AQP9: variants seen among roughly 807,000 people sequenced by gnomAD.
AQP9 encodes aquaporin-9.
AQP9 carries 19 observed loss-of-function variants against 23.8 expected under a neutral mutation model. The observed-to-expected ratio is 0.80, with a 90% CI of 0.56 to 1.17. AQP9 has a LOEUF of 1.17. Ranked by LOEUF, AQP9 falls within the 50% of genes most tolerant of loss-of-function variation. The pLI, the probability that AQP9 is intolerant of heterozygous loss-of-function variation, is 0.00. For synonymous variants in AQP9, 153 were observed against 131.5 expected (o/e 1.16, Z -1.12); for missense variants, 413 against 362.0 (o/e 1.14, Z -1.14).
chr15:58,139,997 G>A (rs1280448498), intron 1 of AQP9, among the ~76,000 whole-genome samples: 3 of 152,168 alleles, frequency 2.0e-5, no homozygotes, highest in Middle Eastern at 3.4e-3. Context: ...TATGATTCCC[G>A]GTCACTGCTT....
chr15:58,168,004 T>TG (rs1484501304), intron 2 of AQP9, among the ~76,000 whole-genome samples: 1 of 149,776 alleles, frequency 6.7e-6, no homozygotes, highest in Non-Finnish European at 1.5e-5. Context: ...GGATTACAAG[T>TG]GTAAGCCACC....
At chr15:58,153,584 C>A (rs774951148) in intron 1 of AQP9, 2 of 152,092 alleles carry the variant, frequency 1.3e-5, no homozygotes, top group Non-Finnish European at 2.9e-5. Flanking sequence ...TATATCTGCA[C>A]CCATGCCTTT....
chr15:58,169,160 A>G (rs1898569645), intron 2 of AQP9, among the ~76,000 whole-genome samples: 1 of 152,206 alleles, frequency 6.6e-6, no homozygotes, highest in African/African-American at 2.4e-5. Flanking sequence ...GAATCCCTAT[A>G]GTTACAAGAG....
intron 2 of AQP9, among the ~76,000 whole-genome samples, chr15:58,168,493 C>A (rs997474087): frequency 6.6e-6 from 1 of 152,144 alleles, no homozygotes. Flanking sequence ...CTTGGGAGCT[C>A]CTTGGGCTGT....
At chr15:58,171,156 C>G (rs145367141) in intron 2 of AQP9, among the ~76,000 whole-genome samples, 10 of 151,594 alleles carry the variant, frequency 6.6e-5, no homozygotes, top group African/African-American at 2.4e-4. Flanking sequence ...GGCACCATCT[C>G]GGCTCACTGC....
Position 58,184,029 on chromosome 15 carries a change from T to A in AQP9, c.782T>A (p.Ile261Asn). 6.2e-7 allele frequency: 1 copy of A among 1,614,160 alleles called. No homozygotes were observed. The highest frequency in any genetic ancestry group is 8.5e-7 in the Non-Finnish European group (1 of 1,180,006). The stretch of plus-strand genomic sequence containing the variant: ...GTTGGTGCTGTCATTGGAGGCCTCA[T>A]CTATGTTCTTGTCATTGAAATCCAC... The part of the protein sequence containing the change: ...PLVGAVIGGL[I>N]YVLVIEIHHP... Residue 261 changes from isoleucine to asparagine, a missense_variant, in exon 6 of 6, where the codon ATC (isoleucine) becomes AAC (asparagine). Coordinates refer to ENST00000219919, the MANE Select transcript of AQP9 (RefSeq NM_020980.5).
intron 1 of AQP9, among the ~76,000 whole-genome samples, chr15:58,148,988 G>A (rs932519697): frequency 6.6e-6 from 1 of 152,176 alleles, no homozygotes; most frequent in Admixed American, 6.5e-5. Flanking sequence ...CTGTCAGGCT[G>A]CATGCCACCA....
At chr15:58,156,217 C>G (rs1478301513) in intron 1 of AQP9, among the ~76,000 whole-genome samples, 2 of 152,192 alleles carry the variant, frequency 1.3e-5, no homozygotes, top group Non-Finnish European at 2.9e-5. Flanking sequence ...TTTTTCAGCA[C>G]ACACTTTAAC....
intron 1 of AQP9, among the ~76,000 whole-genome samples, chr15:58,138,984 G>T (rs554641914): frequency 6.6e-6 from 1 of 152,170 alleles, no homozygotes; most frequent in Non-Finnish European, 1.5e-5. Flanking sequence ...AAAGTCAGTC[G>T]TTAGTGTTTT....
chr15:58,166,194 T>C (rs1398999619), intron 1 of AQP9, among the ~76,000 whole-genome samples: 1 of 152,098 alleles, frequency 6.6e-6, no homozygotes, highest in East Asian at 1.9e-4. Context: ...AGTGAGCCAG[T>C]TGGGAAGGCA....
chr15:58,179,201 G>T lies in AQP9; in HGVS notation c.569G>T (p.Gly190Val), dbSNP rs750880003. The T allele has an allele frequency of 6.2e-7, 1 of 1,614,038 alleles. No individual in the cohort carries two copies. The highest frequency in any genetic ancestry group is 8.5e-7 in the Non-Finnish European group (1 of 1,179,940). The change falls in exon 5 of 6, where the codon GGC becomes GTC. Residue 190 changes from glycine to valine, a missense_variant. Coordinates refer to ENST00000219919, the MANE Select transcript of AQP9 (RefSeq NM_020980.5). ...TCCAGAAACTTGGGAGCCCCCAGAG[G>T]CCTAGAGCCCATTGCCATCGGCCTC... ...FDSRNLGAPR[G>V]LEPIAIGLLI...
chr15:58,167,202 G>C (rs1170786276), intron 2 of AQP9, among the ~76,000 whole-genome samples: 1 of 152,228 alleles, frequency 6.6e-6, no homozygotes, highest in Non-Finnish European at 1.5e-5. Context: ...AACAGGAAGA[G>C]TCTGGGTCTC....
In AQP9 at chr15:58,140,049, T is replaced by C. The variant is rs563356175; in HGVS notation, c.111+1373T>C. Among the ~76,000 whole-genome samples the C allele has an allele frequency of 2.6e-5, 4 of 152,338 alleles. No homozygotes were observed. In the South Asian group the frequency reaches 8.3e-4, roughly 32 times the overall value. The stretch of plus-strand genomic sequence containing the variant: ...TAGTGAGACTGAGACCCCTCTGTCA[T>C]GTTACTTGACAATCTGGCCCCAAAG... On this transcript the variant is annotated intron_variant, in intron 1 of 5. Coordinates refer to ENST00000219919, the MANE Select transcript of AQP9 (RefSeq NM_020980.5).
At chr15:58,146,810 C>T (rs1450852210) in intron 1 of AQP9, 1 of 152,184 alleles carries the variant, frequency 6.6e-6, no homozygotes, top group Non-Finnish European at 1.5e-5. Flanking sequence ...AAAAGAGAAG[C>T]CTGGGGGATG....
At chr15:58,161,370 C>T (rs1898379892) in intron 1 of AQP9, among the ~76,000 whole-genome samples, 1 of 152,106 alleles carries the variant, frequency 6.6e-6, no homozygotes. Flanking sequence ...TCTTTTCCTT[C>T]TTCCATGTAT....
rs774154190 is a variant in AQP9 at position 58,179,226 on chromosome 15, C to T, written c.594C>T (p.Leu198=). Residue 198 remains leucine, a synonymous_variant, in exon 5 of 6, where the codon CTC becomes CTT. Coordinates refer to ENST00000219919, the MANE Select transcript of AQP9 (RefSeq NM_020980.5). The part of the protein sequence containing the change: ...PRGLEPIAIG[L]LIIVIASSLG... Reference sequence around the variant, plus strand: ...GCCTAGAGCCCATTGCCATCGGCCTCCTGATTATTGTCATTGCTTCCTCCC... The same window carrying T: ...GCCTAGAGCCCATTGCCATCGGCCTTCTGATTATTGTCATTGCTTCCTCCC... The T allele has an allele frequency of 6.2e-7, 1 of 1,614,170 alleles. No individual in the cohort carries two copies. Among genetic ancestry groups the T allele is most frequent in the East Asian group, 2.2e-5 (1 of 44,880 alleles).
At chr15:58,180,194 G>C (rs553588783) in intron 5 of AQP9, among the ~76,000 whole-genome samples, 1 of 152,114 alleles carries the variant, frequency 6.6e-6, no homozygotes, top group Admixed American at 6.5e-5. Context: ...CTTCCTATGG[G>C]GAAGGAGCTC....
intron 5 of AQP9, among the ~76,000 whole-genome samples, chr15:58,181,226 T>C (rs747296652): frequency 4.6e-5 from 7 of 152,216 alleles, no homozygotes; most frequent in Admixed American, 1.3e-4. Context: ...AGCATCAGGA[T>C]CTTTTCCCTT....
rs116280791 is a variant in AQP9 at position 58,174,513 on chromosome 15, A to G, written c.377-405A>G. Among the ~76,000 whole-genome samples the G allele has an allele frequency of 4.9e-3, 741 of 152,256 alleles. 4 individuals are homozygous for G. Among genetic ancestry groups the G allele is most frequent in the African/African-American group, 0.017 (689 of 41,548 alleles). ...CTAAGGGCATCTTCAGTATACTGCA[A>G]CACCCTCAAATTCTGGAGTGGTATT... On this transcript the variant is annotated intron_variant, in intron 3 of 5. Coordinates refer to ENST00000219919, the MANE Select transcript of AQP9 (RefSeq NM_020980.5).
Sources: allele counts gnomAD v4.1 joint callset (sites outside exome capture counted in the v4.1 genomes callset), GRCh38; gene constraint gnomAD v4.1.1; transcripts MANE v1.5; gene names NCBI Gene and HGNC (gene_info 2026-07-23, HGNC 2026-07-21).